The following ZNF106 variants were observed in gnomAD, a reference collection of about 807,000 sequenced individuals.
ZNF106 encodes the protein SH3-domain binding protein 3.
In ZNF106, 67 loss-of-function variants were observed where a neutral mutation model predicts 195.1. The observed-to-expected ratio is 0.34, with a 90% CI of 0.28 to 0.42. The LOEUF is 0.42. Among genes scored for constraint, ZNF106 ranks in the 10% least tolerant of loss-of-function variants. The probability of loss-of-function intolerance (pLI) is 1.00; values close to 1 mark genes in which losing one functional copy is unlikely to be tolerated. For synonymous variants in ZNF106, 784 were observed against 818.6 expected (o/e 0.96, Z 0.72); for missense variants, 2,118 against 2,304.5 (o/e 0.92, Z 1.66).
At chr15:42,424,691 G>C (rs2054790050) in intron 16 of ZNF106, 143 bp downstream of exon 16, 2 of 756,968 alleles carry the variant, frequency 2.6e-6, no homozygotes, top group East Asian at 2.8e-5. Flanking sequence ...TGTTGCCCTG[G>C]CTGGTCTCGA....
intron 20 of ZNF106, 74 bp from the exon 21 acceptor site, chr15:42,418,025 G>A (rs1265922404): frequency 6.9e-7 from 1 of 1,455,688 alleles, no homozygotes; most frequent in Non-Finnish European, 9.2e-7. Flanking sequence ...CCCCCAGCTG[G>A]ATCCCATAAG....
At chr15:42,455,490 C>A (rs992584861) in intron 4 of ZNF106, among the ~76,000 whole-genome samples, 1 of 152,086 alleles carries the variant, frequency 6.6e-6, no homozygotes, top group African/African-American at 2.4e-5. Flanking sequence ...GGGATGCTCA[C>A]CCTTTACTGA....
At chr15:42,421,830 A>G (rs117272458) in intron 19 of ZNF106, 87 bp downstream of exon 19, 44,485 of 1,081,988 alleles carry the variant, frequency 0.041, 1,167 homozygotes, top group Non-Finnish European at 0.045. Context: ...GAGGCATATC[A>G]GAAGCAGATG....
In ZNF106 at chr15:42,490,742, G is replaced by A. The variant is rs556907696; in HGVS notation, c.-33+238C>T. ...GCTTTGGAGCCACGTTTCCTTCTGG[G>A]GCTGGGAGCAGAGCTGGAACGCCCC... is the stretch of plus-strand genomic sequence containing the variant. On this transcript the variant is annotated intron_variant, in intron 1 of 21. Coordinates refer to ENST00000564754, the MANE Select transcript of ZNF106 (RefSeq NM_001366845.3). Among the ~76,000 whole-genome samples, 39 of 152,288 alleles carry A rather than the reference G, an allele frequency of 2.6e-4. No homozygotes were observed. In the East Asian group the frequency reaches 7.5e-3, roughly 29 times the overall value.
At chr15:42,466,670 T>TA (rs1471796456) in intron 2 of ZNF106, among the ~76,000 whole-genome samples, 2 of 152,194 alleles carry the variant, frequency 1.3e-5, no homozygotes, top group South Asian at 2.1e-4. Context: ...AAGAAAGTTT[T>TA]AAAAAAATAC....
intron 2 of ZNF106, among the ~76,000 whole-genome samples, chr15:42,470,123 G>A (rs546798828): frequency 1.3e-5 from 2 of 151,980 alleles, no homozygotes; most frequent in Admixed American, 1.3e-4. Flanking sequence ...GTTCAAGACC[G>A]GCTGGGCAAC....
intron 1 of ZNF106, among the ~76,000 whole-genome samples, chr15:42,475,916 T>G (rs1232480684): frequency 6.6e-6 from 1 of 152,100 alleles, no homozygotes; most frequent in African/African-American, 2.4e-5. Flanking sequence ...CTGTGGAGTT[T>G]TTATATATTT....
chr15:42,473,331 C>T (rs1157501964), intron 1 of ZNF106, among the ~76,000 whole-genome samples: 1 of 152,206 alleles, frequency 6.6e-6, no homozygotes, highest in East Asian at 1.9e-4. Context: ...CCATCTCACT[C>T]ACAGAAAACC....
chr15:42,429,937 A>G (rs1054267005), intron 14 of ZNF106, among the ~76,000 whole-genome samples: 1 of 152,100 alleles, frequency 6.6e-6, no homozygotes, highest in Non-Finnish European at 1.5e-5. Context: ...AAAGTAATCT[A>G]TGACAGGAGT....
In ZNF106 at chr15:42,450,530, C is replaced by T; in HGVS notation, c.1742G>A (p.Ser581Asn). 1 of 1,614,146 alleles carries T rather than the reference C, an allele frequency of 6.2e-7. No individual in the cohort carries two copies. The highest frequency in any genetic ancestry group is 8.5e-7 in the Non-Finnish European group (1 of 1,180,022). Residue 581 changes from serine to asparagine, a missense_variant, in exon 5 of 22, where the codon AGT becomes AAT. Ser to Asn is a conservative substitution (Grantham distance 46). Coordinates refer to ENST00000564754, the MANE Select transcript of ZNF106 (RefSeq NM_001366845.3). ...LQNPLLSTSK[S>N]TRNYAKASRN... ...ACTTGCTTTTGCATAGTTCCTGGTA[C>T]TTTTAGAAGTGCTAAGAAGTGGATT...
intron 1 of ZNF106, among the ~76,000 whole-genome samples, chr15:42,485,749 A>C (rs1027669218): frequency 3.3e-5 from 5 of 152,202 alleles, no homozygotes; most frequent in Non-Finnish European, 7.3e-5. Flanking sequence ...TAAAATAAAA[A>C]TGTGTGACGT....
Position 42,425,024 on chromosome 15 carries a change from T to C in ZNF106, c.5000A>G (p.Asn1667Ser). The change falls in exon 16 of 22, where the codon AAC becomes AGC. Residue 1667 changes from asparagine (N) to serine (S), a missense_variant and splice_region_variant. Asn to Ser is a conservative substitution (Grantham distance 46, BLOSUM62 1). Transcript: ENST00000564754. ...NGTVVTFNIK[N>S]NKRLEIFECH... ...TTCAAAGATCTCAAGTCGTTTGTTGTTCTGGAAAATAAGCCAAGATTACAG... is the reference window on the plus strand; with the variant it reads ...TTCAAAGATCTCAAGTCGTTTGTTGCTCTGGAAAATAAGCCAAGATTACAG... 6.2e-7 allele frequency: 1 copy of C among 1,613,478 alleles called. No individual in the cohort carries two copies. The highest frequency in any genetic ancestry group is 1.3e-5 in the African/African-American group (1 of 75,048).
chr15:42,444,714 T>C (rs2055701918), intron 8 of ZNF106, 113 bp downstream of exon 8: 6 of 1,379,440 alleles, frequency 4.3e-6, no homozygotes, highest in Non-Finnish European at 5.9e-6. Context: ...GGCACTTCCC[T>C]TGTGGAAACT....
chr15:42,441,173 T>C (rs2055521210), intron 10 of ZNF106, among the ~76,000 whole-genome samples: 1 of 114,772 alleles, frequency 8.7e-6, no homozygotes, highest in Admixed American at 9.4e-5. Flanking sequence ...CATCTCTACT[T>C]AAAAAAAAAA....
At position 42,450,029 on chromosome 15, in the gene ZNF106, G is replaced by C; in HGVS notation, c.2243C>G (p.Pro748Arg). The C allele has an allele frequency of 1.9e-6, 3 of 1,614,194 alleles. No homozygotes were observed. Among genetic ancestry groups the C allele is most frequent in the Non-Finnish European group, 1.7e-6 (2 of 1,180,040 alleles). The change falls in exon 5 of 22, where the codon CCT becomes CGT. Residue 748 changes from proline to arginine, a missense_variant. By Grantham distance (103) the Pro-to-Arg change is moderately radical. Transcript: ENST00000564754. ...GGTTAGATCCCTCTGAAGTGAGGCA[G>C]GAAAGCCAAGCTTACTTAGTTCAGG... ...LLPELSKLGFPASLQRDLTRH... is the reference protein window; with the variant it reads ...LLPELSKLGFRASLQRDLTRH...
At chr15:42,419,720 G>C (rs1430826641) in intron 20 of ZNF106, among the ~76,000 whole-genome samples, 1 of 152,176 alleles carries the variant, frequency 6.6e-6, no homozygotes, top group Non-Finnish European at 1.5e-5. Context: ...GGGAGGCCGA[G>C]GCAGGTGGTT....
chr15:42,447,478 A>T (rs1207559302), intron 6 of ZNF106, among the ~76,000 whole-genome samples: 1 of 152,232 alleles, frequency 6.6e-6, no homozygotes. Context: ...AGGGATACTG[A>T]GAGGGTTAAG....
chr15:42,434,918 C>A (rs1283492799), intron 14 of ZNF106, among the ~76,000 whole-genome samples: 4 of 152,102 alleles, frequency 2.6e-5, no homozygotes, highest in Non-Finnish European at 5.9e-5. Context: ...CAATTACAGG[C>A]ATGCACCACC....
intron 1 of ZNF106, 84 bp from the exon 2 acceptor site, chr15:42,472,405 TTA>T: frequency 2.0e-6 from 2 of 998,676 alleles, no homozygotes; most frequent in Non-Finnish European, 2.9e-6. Context: ...ATTACAAGTC[TTA>T]TCTTCCTCAC....
Sources: gnomAD v4.1 joint callset for allele counts (sites outside exome capture counted in the v4.1 genomes callset) on GRCh38, gnomAD v4.1.1 for gene constraint, MANE v1.5 for transcripts, NCBI Gene and HGNC (gene_info 2026-07-23, HGNC 2026-07-21) for gene names.